The following WWOX variants were observed in gnomAD, a reference collection of about 807,000 sequenced individuals.
The protein encoded by WWOX is WW domain containing oxidoreductase.
A neutral mutation model predicts 46.2 loss-of-function variants in WWOX; 69 were observed. The ratio of observed to expected loss-of-function variants is 1.49; its 90% CI spans 1.23 to 1.82. The LOEUF (loss-of-function observed/expected upper bound fraction) is 1.82, where lower values mean the gene tolerates loss of function less well. WWOX is among the 40% of genes most tolerant of loss of function. The pLI is 0.00. For synonymous variants in WWOX, 359 were observed against 202.6 expected, an observed-to-expected ratio of 1.77 and a Z score of -6.56; for missense variants, 919 against 542.6, an observed-to-expected ratio of 1.69 and a Z score of -6.89.
At chr16:78,372,049 C>T (rs1272639961) in intron 5 of WWOX, among the ~76,000 whole-genome samples, 1 of 152,142 alleles carries the variant, frequency 6.6e-6, no homozygotes, top group Non-Finnish European at 1.5e-5. Flanking sequence ...CACTGGCCAA[C>T]TCTAAGTCTC....
At chr16:78,732,130 C>G (rs1449265587) in intron 8 of WWOX, among the ~76,000 whole-genome samples, 1 of 152,126 alleles carries the variant, frequency 6.6e-6, no homozygotes, top group African/African-American at 2.4e-5. Flanking sequence ...TCCAAAAGTG[C>G]TGGGATTACA....
intron 8 of WWOX, among the ~76,000 whole-genome samples, chr16:78,694,909 G>A (rs2048067395): frequency 6.6e-6 from 1 of 151,904 alleles, no homozygotes; most frequent in Non-Finnish European, 1.5e-5. Flanking sequence ...CCTTGAGGTA[G>A]GTCCTTCAGT....
At chr16:79,105,414 C>G (rs956686938) in intron 8 of WWOX, among the ~76,000 whole-genome samples, 6 of 152,170 alleles carry the variant, frequency 3.9e-5, no homozygotes, top group African/African-American at 1.4e-4. Context: ...ATACCCATAT[C>G]TATACACCTT....
At chr16:78,908,756 G>T (rs902421591) in intron 8 of WWOX, among the ~76,000 whole-genome samples, 1 of 152,134 alleles carries the variant, frequency 6.6e-6, no homozygotes, top group African/African-American at 2.4e-5. Context: ...CAGTTCCTGG[G>T]TGGGAGCCAC....
At chr16:78,506,302 G>A (rs1307319367) in intron 8 of WWOX, among the ~76,000 whole-genome samples, 3 of 152,172 alleles carry the variant, frequency 2.0e-5, no homozygotes, top group Non-Finnish European at 4.4e-5. Flanking sequence ...TATCGCTTTT[G>A]CTTCGGAAAC....
chr16:78,743,453 C>T (rs979550316), intron 8 of WWOX, among the ~76,000 whole-genome samples: 1 of 150,602 alleles, frequency 6.6e-6, no homozygotes, highest in African/African-American at 2.4e-5. Flanking sequence ...CAAGAAGCAT[C>T]ATTTAGAGAA....
intron 8 of WWOX, among the ~76,000 whole-genome samples, chr16:78,987,306 T>C (rs571765160): frequency 2.7e-4 from 41 of 152,228 alleles, no homozygotes; most frequent in Non-Finnish European, 5.4e-4. Context: ...TGGTTTTGCT[T>C]TGTTTTGACA....
At chr16:78,845,943 C>A (rs2052287473) in intron 8 of WWOX, among the ~76,000 whole-genome samples, 1 of 140,556 alleles carries the variant, frequency 7.1e-6, no homozygotes, top group South Asian at 2.1e-4. Flanking sequence ...ACCAGTTTTT[C>A]CCATAAAATA....
intron 8 of WWOX, among the ~76,000 whole-genome samples, chr16:78,708,313 A>T (rs1311965447): frequency 1.3e-5 from 2 of 152,184 alleles, no homozygotes; most frequent in East Asian, 3.9e-4. Flanking sequence ...TTTCTTTGGG[A>T]TATACTTCTA....
intron 8 of WWOX, among the ~76,000 whole-genome samples, chr16:78,926,455 T>G (rs905814396): frequency 6.6e-6 from 1 of 152,228 alleles, no homozygotes; most frequent in Non-Finnish European, 1.5e-5. Context: ...TCTTGGTTAC[T>G]GAAATTCTGA....
At chr16:79,201,152 G>A (rs1174553900) in intron 8 of WWOX, among the ~76,000 whole-genome samples, 1 of 152,044 alleles carries the variant, frequency 6.6e-6, no homozygotes, top group Admixed American at 6.6e-5. Context: ...AGGACTTCTG[G>A]CTTCAGCACA....
chr16:78,788,921 G>C (rs1420432183), intron 8 of WWOX, among the ~76,000 whole-genome samples: 1 of 152,152 alleles, frequency 6.6e-6, no homozygotes, highest in African/African-American at 2.4e-5. Flanking sequence ...TTAGTATGTG[G>C]GGAAAGTTGA....
intron 8 of WWOX, among the ~76,000 whole-genome samples, chr16:78,550,075 A>C (rs1010927839): frequency 6.6e-6 from 1 of 152,224 alleles, no homozygotes; most frequent in Non-Finnish European, 1.5e-5. Context: ...GTAGGGATTT[A>C]ATCTTTATTT....
intron 8 of WWOX, among the ~76,000 whole-genome samples, chr16:78,928,793 C>G (rs933150557): frequency 3.9e-5 from 6 of 152,112 alleles, no homozygotes; most frequent in African/African-American, 1.4e-4. Flanking sequence ...ATCGTGCAAG[C>G]CTCAGTTTTA....
At chr16:78,229,511 T>TAG (rs781002609) in intron 5 of WWOX, among the ~76,000 whole-genome samples, 10 of 111,860 alleles carry the variant, frequency 8.9e-5, no homozygotes, top group East Asian at 6.4e-4. Flanking sequence ...TATATCTATA[T>TAG]AGAGATATAT....
chr16:79,023,442 T>C (rs913648089), intron 8 of WWOX, among the ~76,000 whole-genome samples: 6 of 152,150 alleles, frequency 3.9e-5, no homozygotes, highest in African/African-American at 1.4e-4. Context: ...TGGGGCTGAC[T>C]GAGACTGGGG....
At chr16:78,818,093 G>A (rs556084302) in intron 8 of WWOX, among the ~76,000 whole-genome samples, 2 of 152,286 alleles carry the variant, frequency 1.3e-5, no homozygotes, top group East Asian at 3.9e-4. Context: ...ATCCCTATTG[G>A]GCTAATGTGG....
intron 8 of WWOX, among the ~76,000 whole-genome samples, chr16:78,867,481 A>G (rs2044029260): frequency 9.1e-6 from 1 of 110,372 alleles, no homozygotes; most frequent in East Asian, 2.8e-4. Flanking sequence ...AAGTTAAATG[A>G]TTTTGTGTGT....
chr16:78,538,399 C>G (rs973827728), intron 8 of WWOX, among the ~76,000 whole-genome samples: 7 of 152,018 alleles, frequency 4.6e-5, no homozygotes, highest in East Asian at 1.9e-4. Context: ...AGTCTTAAAC[C>G]TCTGCGTGGT....
Sources: allele counts gnomAD v4.1 joint callset (sites outside exome capture counted in the v4.1 genomes callset), GRCh38; gene constraint gnomAD v4.1.1; transcripts MANE v1.5; gene names NCBI Gene and HGNC (gene_info 2026-07-23, HGNC 2026-07-21).